Variants in KIAA1217 observed in about 807,000 individuals in gnomAD.
KIAA1217 encodes the protein sickle tail protein homolog.
A neutral mutation model predicts 163.9 loss-of-function variants in KIAA1217; 88 were observed. The ratio of observed to expected loss-of-function variants is 0.54; its 90% CI spans 0.45 to 0.64. The LOEUF is 0.64. KIAA1217 is among the 30% of genes least tolerant of loss of function. KIAA1217 has a pLI of 0.00. For synonymous variants in KIAA1217, 903 were observed against 923.1 expected, an observed-to-expected ratio of 0.98 and a Z score of 0.39; for missense variants, 2,372 against 2,475.0, an observed-to-expected ratio of 0.96 and a Z score of 0.88.
chr10:24,414,305 A>G (rs1490906655), intron 3 of KIAA1217, among the ~76,000 whole-genome samples: 1 of 152,220 alleles, frequency 6.6e-6, no homozygotes, highest in African/African-American at 2.4e-5. Context: ...TAATGTTTAC[A>G]TATGAGCTGA....
chr10:24,187,110 T>A (rs944450795), intron 2 of KIAA1217, among the ~76,000 whole-genome samples: 2 of 147,102 alleles, frequency 1.4e-5, no homozygotes, highest in Non-Finnish European at 3.0e-5. Context: ...TCTGCCAGTC[T>A]GACCATTGTC....
At chr10:23,910,668 C>T (rs1842395231) in intron 1 of KIAA1217, among the ~76,000 whole-genome samples, 2 of 152,210 alleles carry the variant, frequency 1.3e-5, no homozygotes, top group Admixed American at 6.5e-5. Flanking sequence ...ATGGAGACAG[C>T]CTGCAGCTGT....
intron 2 of KIAA1217, among the ~76,000 whole-genome samples, chr10:24,009,841 G>T (rs1353647189): frequency 6.6e-6 from 1 of 152,106 alleles, no homozygotes; most frequent in Non-Finnish European, 1.5e-5. Flanking sequence ...TTTGCTTTCT[G>T]AGCTTGGGAG....
At chr10:24,532,287 G>A (rs555808500) in intron 15 of KIAA1217, among the ~76,000 whole-genome samples, 2 of 152,318 alleles carry the variant, frequency 1.3e-5, no homozygotes, top group African/African-American at 4.8e-5. Context: ...AGGGGGAAAC[G>A]CAAGAAAGAT....
intron 2 of KIAA1217, among the ~76,000 whole-genome samples, chr10:24,163,108 T>A (rs1208197968): frequency 4.6e-5 from 7 of 152,182 alleles, no homozygotes; most frequent in Non-Finnish European, 1.0e-4. Context: ...CTGGGGACCC[T>A]CTTGGAGGCT....
chr10:23,710,228 G>T (rs796786773), intron 1 of KIAA1217, among the ~76,000 whole-genome samples: 1 of 152,112 alleles, frequency 6.6e-6, no homozygotes, highest in Non-Finnish European at 1.5e-5. Context: ...TACAATTCAG[G>T]CCAGTGTAAT....
intron 2 of KIAA1217, among the ~76,000 whole-genome samples, chr10:24,172,046 G>C (rs949235245): frequency 5.3e-5 from 8 of 152,262 alleles, no homozygotes; most frequent in Non-Finnish European, 1.2e-4. Flanking sequence ...GCTTGACAGA[G>C]ATCATACAGT....
rs1331471806 is a variant in KIAA1217 at position 24,110,283 on chromosome 10, T to C, written c.-171+102909T>C. Among the ~76,000 whole-genome samples, 3 of 152,294 alleles carry C rather than the reference T, an allele frequency of 2.0e-5. No homozygotes were observed. The East Asian group carries it at 5.8e-4, about 29-fold the overall frequency. On this transcript the variant is annotated intron_variant, in intron 2 of 18. Transcript: ENST00000376462. ...TCTTCAGAGTTCTCTCTTATCCATA[T>C]GAGAGAAGTATTATTAAAATTAGTC...
intron 1 of KIAA1217, among the ~76,000 whole-genome samples, chr10:23,711,732 G>T (rs1247196989): frequency 6.6e-6 from 1 of 152,180 alleles, no homozygotes; most frequent in Non-Finnish European, 1.5e-5. Context: ...GCATGGTCCA[G>T]TTCATGTCAA....
At chr10:24,268,370 C>T (rs915963348) in intron 2 of KIAA1217, among the ~76,000 whole-genome samples, 1 of 152,088 alleles carries the variant, frequency 6.6e-6, no homozygotes, top group South Asian at 2.1e-4. Context: ...TTTTAAAAAA[C>T]AAACAACCCC....
In KIAA1217 at chr10:24,473,361, C is replaced by T. The variant is rs267602445; in HGVS notation, c.980C>T (p.Pro327Leu). The T allele has an allele frequency of 9.3e-6, 15 of 1,605,574 alleles. No individual in the cohort carries two copies. The highest frequency in any genetic ancestry group is 5.0e-5 in the Admixed American group (3 of 59,552). Residue 327 changes from proline (P) to leucine (L), a missense_variant, in exon 6 of 21, where the codon CCG (proline) becomes CTG (leucine). Pro to Leu is a moderately conservative substitution (Grantham distance 98). Coordinates refer to ENST00000376454, the MANE Select transcript of KIAA1217 (RefSeq NM_019590.5). ...GTGCCCCATTCCATGCCCCCCTCCC[C>T]GTCCAGAATTCCTTATGGGGGCACC... ...TPVPHSMPPS[P>L]SRIPYGGTRS...
At chr10:23,962,572 A>C (rs1844861900) in intron 1 of KIAA1217, among the ~76,000 whole-genome samples, 1 of 152,236 alleles carries the variant, frequency 6.6e-6, no homozygotes, top group Non-Finnish European at 1.5e-5. Context: ...GAAAGATACT[A>C]TATATTGTGT....
rs184433381 is a variant in KIAA1217, at chr10:24,379,175, A to C, written c.355-1694A>C. On this transcript the variant is annotated intron_variant, in intron 2 of 20. Coordinates refer to ENST00000376454, the MANE Select transcript of KIAA1217 (RefSeq NM_019590.5). ...GACATCATACCTTGATATTCTGCTG[A>C]GCACAGTAAGGAGGAAGCTACTTCA... Among the ~76,000 whole-genome samples, 6 of 152,320 alleles carry C rather than the reference A, an allele frequency of 3.9e-5. No individual in the cohort carries two copies. In the East Asian group the frequency reaches 1.2e-3, roughly 29 times the overall value.
chr10:24,242,353 T>C (rs537409997), intron 2 of KIAA1217, among the ~76,000 whole-genome samples: 2 of 152,272 alleles, frequency 1.3e-5, no homozygotes, highest in African/African-American at 2.4e-5. Flanking sequence ...TGGTATTGGG[T>C]TTTCTATTTC....
chr10:24,116,326 T>A lies in KIAA1217; in HGVS notation c.-170-103300T>A, dbSNP rs187977557. Among the ~76,000 whole-genome samples, 3 of 152,178 alleles carry A rather than the reference T, an allele frequency of 2.0e-5. No homozygotes were observed. The East Asian group carries it at 5.9e-4, about 30-fold the overall frequency. On this transcript the variant is annotated intron_variant, in intron 2 of 18. Transcript: ENST00000376462. ...GGAGTTATCTGGTGACCCTCTATCA[T>A]ACAGAGGAGGAGTCTGAAAACTTTC...
intron 1 of KIAA1217, among the ~76,000 whole-genome samples, chr10:24,216,827 C>CAA (rs199499926): frequency 3.6e-5 from 2 of 55,788 alleles, no homozygotes; most frequent in African/African-American, 1.3e-4. Flanking sequence ...ACTCTGTGTC[C>CAA]AAAAAAAAAA....
At chr10:24,511,592 A>G (rs1411433430) in intron 9 of KIAA1217, among the ~76,000 whole-genome samples, 2 of 152,216 alleles carry the variant, frequency 1.3e-5, no homozygotes, top group African/African-American at 4.8e-5. Flanking sequence ...GGTTGCAGTG[A>G]ACTGAGATCG....
intron 1 of KIAA1217, among the ~76,000 whole-genome samples, chr10:23,764,945 T>C (rs1303759947): frequency 6.6e-6 from 1 of 152,144 alleles, no homozygotes; most frequent in East Asian, 1.9e-4. Context: ...TAGTCTGTTG[T>C]TTCATGTTGC....
intron 2 of KIAA1217, among the ~76,000 whole-genome samples, chr10:24,077,634 G>A (rs994543203): frequency 6.6e-6 from 1 of 152,194 alleles, no homozygotes; most frequent in African/African-American, 2.4e-5. Context: ...TAGTGCTGCA[G>A]TGAACACACC....
Sources: gnomAD v4.1 joint callset for allele counts (sites outside exome capture counted in the v4.1 genomes callset) on GRCh38, gnomAD v4.1.1 for gene constraint, MANE v1.5 for transcripts, NCBI Gene and HGNC (gene_info 2026-07-23, HGNC 2026-07-21) for gene names.